DEK: variants seen among roughly 807,000 people sequenced by gnomAD.
DEK encodes the protein protein DEK.
DEK carries 28 observed loss-of-function variants against 46.8 expected under a neutral mutation model. The observed-to-expected ratio is 0.60, with a 90% CI of 0.44 to 0.82. The LOEUF is 0.82. Among genes scored for constraint, DEK ranks in the 40% least tolerant of loss-of-function variants. DEK has a pLI of 0.00. For synonymous variants in DEK, 160 were observed against 144.5 expected (o/e 1.11, Z -0.77); for missense variants, 416 against 430.6 (o/e 0.97, Z 0.30).
chr6:18,248,198 T>C (rs113366627), intron 7 of DEK, among the ~76,000 whole-genome samples: 5 of 152,318 alleles, frequency 3.3e-5, no homozygotes, highest in African/African-American at 1.2e-4. Context: ...TGAGGTATAG[T>C]TTAAATAACT....
chr6:18,238,246 A>T (rs1239250660), intron 7 of DEK, among the ~76,000 whole-genome samples: 1 of 151,792 alleles, frequency 6.6e-6, no homozygotes, highest in Non-Finnish European at 1.5e-5. Context: ...ATAAATACTT[A>T]TGACTATATG....
Position 18,256,386 on chromosome 6 carries a change from T to C in DEK, c.427A>G (p.Lys143Glu). The change falls in exon 5 of 11, where the codon AAA (lysine) becomes GAA (glutamate). Residue 143 changes from lysine (K) to glutamate (E), a missense_variant. Lys to Glu is a moderately conservative substitution (Grantham distance 56). Coordinates refer to ENST00000652689, the MANE Select transcript of DEK (RefSeq NM_003472.4). ...FPFEKGSVQY[K>E]KKEEMLKKFR... is the part of the protein sequence containing the mutation. Reference sequence around the variant, plus strand: ...TTTTTCAACATTTCTTCCTTCTTTTTATATTGGACACTTCCTTTTTCAAAT... The same window carrying C: ...TTTTTCAACATTTCTTCCTTCTTTTCATATTGGACACTTCCTTTTTCAAAT... 2.5e-6 allele frequency: 4 copies of C among 1,613,118 alleles called. No homozygotes were observed. Among genetic ancestry groups the C allele is most frequent in the Non-Finnish European group, 3.4e-6 (4 of 1,179,582 alleles).
chr6:18,255,741 G>A lies in DEK; in HGVS notation c.563C>T (p.Pro188Leu). ...RILNFLMHPK[P>L]SGKPLPKSKK... ...AAAATTGATCCTCACTTTGCCAGAA[G>A]GCTTTGGATGCATTAAGAAATTCAA... The change falls in exon 6 of 11, where the codon CCT becomes CTT. Residue 188 changes from proline (P) to leucine (L), a missense_variant. Physicochemically the swap from Pro to Leu is moderately conservative, Grantham distance 98. Transcript: ENST00000652689. 6.3e-7 allele frequency: 1 copy of A among 1,598,226 alleles called. No individual in the cohort carries two copies. Among genetic ancestry groups the A allele is most frequent in the Non-Finnish European group, 8.5e-7 (1 of 1,176,002 alleles).
chr6:18,263,616 T>C (rs913114425), intron 2 of DEK, among the ~76,000 whole-genome samples: 1 of 152,130 alleles, frequency 6.6e-6, no homozygotes, highest in African/African-American at 2.4e-5. Context: ...TGCACTCCAA[T>C]ACATCTCTAC....
chr6:18,239,873 T>C (rs554550389), intron 7 of DEK, among the ~76,000 whole-genome samples: 1 of 152,314 alleles, frequency 6.6e-6, no homozygotes, highest in East Asian at 1.9e-4. Flanking sequence ...CTTAAGTTCT[T>C]TAGCACACTT....
chr6:18,235,470 C>T (rs1790605969), intron 9 of DEK, among the ~76,000 whole-genome samples: 1 of 152,194 alleles, frequency 6.6e-6, no homozygotes, highest in South Asian at 2.1e-4. Context: ...AGATGCTTTT[C>T]CAGATTCCCC....
chr6:18,244,033 T>C (rs538770156), intron 7 of DEK, among the ~76,000 whole-genome samples: 1 of 152,318 alleles, frequency 6.6e-6, no homozygotes, highest in African/African-American at 2.4e-5. Context: ...TTGAAAACTT[T>C]AGTGATTATA....
At chr6:18,263,447 G>A (rs969914837) in intron 2 of DEK, among the ~76,000 whole-genome samples, 2 of 151,808 alleles carry the variant, frequency 1.3e-5, no homozygotes, top group Non-Finnish European at 1.5e-5. Context: ...ACTTCAAAAG[G>A]CAAAAGATGT....
intron 7 of DEK, chr6:18,244,477 G>T: frequency 8.3e-7 from 1 of 1,198,974 alleles, no homozygotes; most frequent in Non-Finnish European, 1.1e-6. Context: ...TTGAAGGAAG[G>T]CAAAAAAAAT....
At chr6:18,227,209 G>C (rs1282350918) in intron 9 of DEK, among the ~76,000 whole-genome samples, 1 of 152,110 alleles carries the variant, frequency 6.6e-6, no homozygotes, top group Non-Finnish European at 1.5e-5. Context: ...ACGCCTCTTT[G>C]CAGTTGAGAC....
chr6:18,244,077 G>A (rs1310615130), intron 7 of DEK, among the ~76,000 whole-genome samples: 1 of 152,128 alleles, frequency 6.6e-6, no homozygotes, highest in Non-Finnish European at 1.5e-5. Flanking sequence ...AAATAATGTT[G>A]AAAATACTCA....
chr6:18,249,310 G>GA (rs1460652314), intron 7 of DEK, among the ~76,000 whole-genome samples: 1 of 151,948 alleles, frequency 6.6e-6, no homozygotes, highest in Non-Finnish European at 1.5e-5. Context: ...AATATATTAC[G>GA]AAAAAAATCC....
At chr6:18,227,031 C>T (rs144453203) in intron 9 of DEK, among the ~76,000 whole-genome samples, 38 of 152,140 alleles carry the variant, frequency 2.5e-4, no homozygotes, top group Admixed American at 6.6e-5. Context: ...ACACAAACAC[C>T]GCGGAAGGCT....
intron 7 of DEK, among the ~76,000 whole-genome samples, chr6:18,242,600 G>A (rs1790936990): frequency 6.6e-6 from 1 of 151,574 alleles, no homozygotes; most frequent in African/African-American, 2.4e-5. Flanking sequence ...TATCCACACT[G>A]TAGATGCTCC....
chr6:18,229,633 T>C (rs1790314503), intron 9 of DEK, among the ~76,000 whole-genome samples: 1 of 152,054 alleles, frequency 6.6e-6, no homozygotes, highest in Non-Finnish European at 1.5e-5. Flanking sequence ...TATCAGTGAT[T>C]GAAGAGCAAA....
intron 10 of DEK, 129 bp from the exon 11 acceptor site, chr6:18,225,859 A>T: frequency 2.7e-6 from 3 of 1,125,716 alleles, no homozygotes; most frequent in Non-Finnish European, 3.9e-6. Context: ...CTACCTGCTG[A>T]TCTTCCCCTC....
intron 6 of DEK, among the ~76,000 whole-genome samples, chr6:18,251,464 G>A (rs1011759634): frequency 9.2e-5 from 14 of 152,136 alleles, no homozygotes; most frequent in African/African-American, 3.4e-4. Context: ...GAAACCACAG[G>A]ATAACCTAGA....
At chr6:18,263,474 A>G (rs1791965219) in intron 2 of DEK, among the ~76,000 whole-genome samples, 1 of 152,164 alleles carries the variant, frequency 6.6e-6, no homozygotes, top group Non-Finnish European at 1.5e-5. Context: ...AAAAGGACAA[A>G]ATTAGAACAT....
At position 18,249,627 on chromosome 6, in the gene DEK, T is replaced by A. The variant is rs575836736; in HGVS notation, c.762+24A>T. The A allele has an allele frequency of 2.6e-6, 4 of 1,522,036 alleles. No individual in the cohort carries two copies. The South Asian group carries it at 5.3e-5, about 20-fold the overall frequency. The allele number at this position is 1,522,036 out of a possible 1,614,324, so 94.3% of individuals were successfully genotyped here. A position where few individuals can be genotyped will look rare whatever the true frequency, so the allele number is the denominator to read the frequency against. ...ACTCTCCCCATGGAAAGAAATGATT[T>A]AAAAATATAGTAAAATATTTTACCT... is the stretch of plus-strand genomic sequence containing the variant. On this transcript the variant is annotated intron_variant, in intron 7 of 10. Transcript: ENST00000652689.
Sources: gnomAD v4.1 joint callset for allele counts (sites outside exome capture counted in the v4.1 genomes callset) on GRCh38, gnomAD v4.1.1 for gene constraint, MANE v1.5 for transcripts, NCBI Gene and HGNC (gene_info 2026-07-23, HGNC 2026-07-21) for gene names.